Variants in LRCH3 observed in about 807,000 individuals in gnomAD.
LRCH3 encodes the protein leucine rich repeats and calponin homology domain containing 3.
A neutral mutation model predicts 104.5 loss-of-function variants in LRCH3; 68 were observed. That is an observed-to-expected ratio of 0.65 (90% CI 0.54 to 0.80). The LOEUF is 0.80. LRCH3 is among the 30% of genes least tolerant of loss of function. LRCH3 has a pLI of 0.00. For missense variants in LRCH3, 951 were observed against 953.9 expected (o/e 1.00, Z 0.04); for synonymous variants, 344 against 361.3 (o/e 0.95, Z 0.54).
At chr3:197,824,133 T>C (rs1273559) in intron 4 of LRCH3, among the ~76,000 whole-genome samples, 122,472 of 151,064 alleles carry the variant, frequency 0.81, 50,449 homozygotes, top group East Asian at 0.99. Flanking sequence ...GGCATGATCT[T>C]GGCTCACTGC....
intron 13 of LRCH3, among the ~76,000 whole-genome samples, chr3:197,853,804 A>G (rs959491360): frequency 6.6e-6 from 1 of 152,204 alleles, no homozygotes; most frequent in Non-Finnish European, 1.5e-5. Flanking sequence ...CAGCATGTTC[A>G]CTTGTCTTTT....
At chr3:197,870,314 A>T (rs1171107830) in intron 18 of LRCH3, 36 bp downstream of exon 18, 2 of 1,584,316 alleles carry the variant, frequency 1.3e-6, no homozygotes, top group Non-Finnish European at 8.7e-7. Flanking sequence ...CTTTTTCAGT[A>T]TTACTGCTAT....
chr3:197,873,769 T>A (rs1712525254), intron 19 of LRCH3, among the ~76,000 whole-genome samples: 2 of 152,098 alleles, frequency 1.3e-5, no homozygotes, highest in African/African-American at 4.8e-5. Context: ...TTGCCTGTAA[T>A]CCCAGCACTT....
chr3:197,825,198 C>T (rs1735010634), intron 4 of LRCH3, among the ~76,000 whole-genome samples: 1 of 151,980 alleles, frequency 6.6e-6, no homozygotes, highest in Non-Finnish European at 1.5e-5. Flanking sequence ...CCAGCTTTTG[C>T]TCTCTGGAAG....
Position 197,849,575 on chromosome 3 carries a change from T to C in LRCH3, c.1530+1554T>C, listed in dbSNP as rs903648353. 2.6e-5 allele frequency among the ~76,000 whole-genome samples: 4 copies of C among 152,296 alleles called. 1 individual carries two copies. The highest frequency in any genetic ancestry group is 6.8e-3 in the Middle Eastern group (2 of 294). ...CTCTTTCCCTTAAGTCCCTGCTTGA[T>C]TTGTTACTACATACAAACTTTTTTA... is the stretch of plus-strand genomic sequence containing the variant. On this transcript the variant is annotated intron_variant, in intron 12 of 20. Coordinates refer to ENST00000425562, the MANE Select transcript of LRCH3 (RefSeq NM_001365715.1).
intron 1 of LRCH3, among the ~76,000 whole-genome samples, chr3:197,797,718 G>A (rs1275492684): frequency 6.6e-6 from 1 of 151,950 alleles, no homozygotes; most frequent in Non-Finnish European, 1.5e-5. Flanking sequence ...AAAAATAGCT[G>A]GGTGCCATTG....
intron 10 of LRCH3, among the ~76,000 whole-genome samples, chr3:197,845,872 C>G (rs1423048247): frequency 1.3e-5 from 2 of 152,146 alleles, no homozygotes; most frequent in Non-Finnish European, 2.9e-5. Flanking sequence ...CCACTGCACT[C>G]CAGCCTGGGT....
intron 10 of LRCH3, among the ~76,000 whole-genome samples, chr3:197,844,871 C>T (rs370489691): frequency 2.6e-5 from 4 of 151,978 alleles, no homozygotes; most frequent in African/African-American, 7.3e-5. Flanking sequence ...CCGCCCGCCT[C>T]GGCCTCCCAA....
At position 197,873,982 on chromosome 3, in the gene LRCH3, C is replaced by T. The variant is rs950598542; in HGVS notation, c.2131-1716C>T. 8.8e-5 allele frequency among the ~76,000 whole-genome samples: 13 copies of T among 148,046 alleles called. No homozygotes were observed. In the Admixed American group the frequency reaches 8.8e-4, roughly 10 times the overall value. ...GTTGCAGTGAGCCAAGATAGCACCACCACACTCCAGCCTGGCGACAGAGTG... is the reference window on the plus strand; with the variant it reads ...GTTGCAGTGAGCCAAGATAGCACCATCACACTCCAGCCTGGCGACAGAGTG... On this transcript the variant is annotated intron_variant, in intron 19 of 20. Coordinates refer to ENST00000425562, the MANE Select transcript of LRCH3 (RefSeq NM_001365715.1).
At chr3:197,817,079 CAT>C (rs1456173150) in intron 2 of LRCH3, 95 bp from the exon 3 acceptor site, 6 of 1,084,518 alleles carry the variant, frequency 5.5e-6, no homozygotes, top group Non-Finnish European at 7.7e-6. Context: ...TTGCAAGACT[CAT>C]ATTTGTTATT....
intron 10 of LRCH3, among the ~76,000 whole-genome samples, chr3:197,847,089 G>A (rs1580787593): frequency 6.6e-6 from 1 of 152,194 alleles, no homozygotes; most frequent in Non-Finnish European, 1.5e-5. Flanking sequence ...TGGTGGTAAC[G>A]AAGATAATAG....
Position 197,858,894 on chromosome 3 carries a change from A to T in LRCH3, c.1705A>T (p.Thr569Ser). 1 of 1,613,476 alleles carries T rather than the reference A, an allele frequency of 6.2e-7. No homozygotes were observed. The highest frequency in any genetic ancestry group is 8.5e-7 in the Non-Finnish European group (1 of 1,179,424). ...TACCCTGCCTCATTCTTCTGCCTTC[A>T]CGCCTCTTAAGGTATCTCTTGTTAT... ...AATLPHSSAF[T>S]PLKSDDRPNA... The change falls in exon 15 of 21, where the codon ACG (threonine) becomes TCG (serine). Residue 569 changes from threonine (T) to serine (S), a missense_variant. Coordinates refer to ENST00000425562, the MANE Select transcript of LRCH3 (RefSeq NM_001365715.1).
chr3:197,849,342 A>G (rs188483543), intron 12 of LRCH3, among the ~76,000 whole-genome samples: 5 of 150,450 alleles, frequency 3.3e-5, no homozygotes, highest in Non-Finnish European at 5.9e-5. Flanking sequence ...TAATATTCCT[A>G]CAAGCAGAAG....
intron 8 of LRCH3, among the ~76,000 whole-genome samples, chr3:197,834,675 C>G (rs1736441126): frequency 6.6e-6 from 1 of 152,186 alleles, no homozygotes; most frequent in Admixed American, 6.5e-5. Context: ...AAAAATTGGT[C>G]TTCGCTCTTT....
intron 10 of LRCH3, among the ~76,000 whole-genome samples, chr3:197,839,668 C>T (rs920405100): frequency 2.6e-5 from 4 of 152,040 alleles, no homozygotes; most frequent in African/African-American, 9.7e-5. Context: ...TATATGGATT[C>T]ATGCACAAAA....
In LRCH3 at chr3:197,856,020, C is replaced by T. The variant is rs1191966067; in HGVS notation, c.1644+1575C>T. ...GCTCTACTGCCTCCCTCTCCAGTCT[C>T]CTCTCTGGGCTTGTGCCATACCAGC... On this transcript the variant is annotated intron_variant, in intron 14 of 20. Transcript: ENST00000425562. This position sits in a 1 kb window ranked among gnomAD's most constrained non-coding sequence, Gnocchi z 4.2. 1.3e-5 allele frequency among the ~76,000 whole-genome samples: 2 copies of T among 152,228 alleles called. No individual in the cohort carries two copies. Among genetic ancestry groups the T allele is most frequent in the Non-Finnish European group, 2.9e-5 (2 of 68,034 alleles).
At chr3:197,798,004 A>C (rs1731454944) in intron 1 of LRCH3, among the ~76,000 whole-genome samples, 1 of 152,126 alleles carries the variant, frequency 6.6e-6, no homozygotes, top group Non-Finnish European at 1.5e-5. Context: ...CTGTAACCCT[A>C]GCACTTTAAC....
rs572997787 is a variant in LRCH3, at chr3:197,858,576, A to G, written c.1645-258A>G. On this transcript the variant is annotated intron_variant, in intron 14 of 20. Coordinates refer to ENST00000425562, the MANE Select transcript of LRCH3 (RefSeq NM_001365715.1). ...TTATTTCTGCATAAAATCATTTTTCAGAAATCATGCCTCTCATTTCTTGAT... is the reference window on the plus strand; with the variant it reads ...TTATTTCTGCATAAAATCATTTTTCGGAAATCATGCCTCTCATTTCTTGAT... Among the ~76,000 whole-genome samples, 3 of 152,288 alleles carry G rather than the reference A, an allele frequency of 2.0e-5. No individual in the cohort carries two copies. The South Asian group carries it at 6.2e-4, about 32-fold the overall frequency.
rs1267510344 is a variant in LRCH3, at chr3:197,858,865, C to G, written c.1676C>G (p.Ala559Gly). ...TCAGGGTTGAATCAAGTGGGCTGTG[C>G]TGCTACCCTGCCTCATTCTTCTGCC... ...SLSGLNQVGCAATLPHSSAFT... is the reference protein window; with the variant it reads ...SLSGLNQVGCGATLPHSSAFT... Residue 559 changes from alanine to glycine, a missense_variant, in exon 15 of 21, where the codon GCT (alanine) becomes GGT (glycine). Ala to Gly is a moderately conservative substitution (Grantham distance 60). Coordinates refer to ENST00000425562, the MANE Select transcript of LRCH3 (RefSeq NM_001365715.1). The G allele has an allele frequency of 3.1e-6, 5 of 1,613,758 alleles. No homozygotes were observed. Among genetic ancestry groups the G allele is most frequent in the Non-Finnish European group, 4.2e-6 (5 of 1,179,802 alleles).
Sources: gnomAD v4.1 joint callset for allele counts (sites outside exome capture counted in the v4.1 genomes callset) on GRCh38, gnomAD v4.1.1 for gene constraint, Gnocchi (gnomAD v3.1) non-coding constraint, MANE v1.5 for transcripts, NCBI Gene and HGNC (gene_info 2026-07-23, HGNC 2026-07-21) for gene names.